The following TANC1 variants were observed in gnomAD, a reference collection of about 807,000 sequenced individuals.
TANC1 encodes protein TANC1.
TANC1 carries 77 observed loss-of-function variants against 149.7 expected under a neutral mutation model. The ratio of observed to expected loss-of-function variants is 0.51; its 90% CI spans 0.43 to 0.62. The LOEUF is 0.62. Ranked by LOEUF, TANC1 falls within the 20% of genes least tolerant of loss-of-function variation. The probability of loss-of-function intolerance (pLI) is 0.00; values close to 1 mark genes in which losing one functional copy is unlikely to be tolerated. For missense variants in TANC1, 1,985 were observed against 2,321.8 expected (o/e 0.85, Z 2.98); for synonymous variants, 854 against 925.0 (o/e 0.92, Z 1.39).
chr2:159,083,147 G>A (rs538454959), intron 3 of TANC1, among the ~76,000 whole-genome samples: 1 of 152,102 alleles, frequency 6.6e-6, no homozygotes, highest in African/African-American at 2.4e-5. Context: ...GTTTCACCAT[G>A]TTGGTTCAAG....
At chr2:159,181,764 A>G (rs2056507902) in intron 14 of TANC1, among the ~76,000 whole-genome samples, 1 of 152,244 alleles carries the variant, frequency 6.6e-6, no homozygotes, top group Non-Finnish European at 1.5e-5. Context: ...TCTATAAAAA[A>G]TGAGTGTCTT....
At chr2:159,077,819 T>C (rs1303311437) in intron 3 of TANC1, among the ~76,000 whole-genome samples, 1 of 152,230 alleles carries the variant, frequency 6.6e-6, no homozygotes, top group Non-Finnish European at 1.5e-5. Flanking sequence ...AGAATAGTTG[T>C]AAGAAATTCT....
intron 2 of TANC1, among the ~76,000 whole-genome samples, chr2:159,037,839 C>T (rs543398599): frequency 4.6e-5 from 7 of 152,312 alleles, no homozygotes; most frequent in African/African-American, 1.7e-4. Context: ...GCAATGGAGG[C>T]TCTTTTTTAG....
chr2:159,015,593 A>G (rs1304143424), intron 2 of TANC1, among the ~76,000 whole-genome samples: 1 of 152,194 alleles, frequency 6.6e-6, no homozygotes, highest in African/African-American at 2.4e-5. Flanking sequence ...GTCAGGTTGC[A>G]AATTTTCTGA....
At chr2:159,148,363 C>G (rs1347577530) in intron 5 of TANC1, 1 of 152,190 alleles carries the variant, frequency 6.6e-6, no homozygotes, top group Admixed American at 6.5e-5. Flanking sequence ...ACATTTAAAT[C>G]AAATCCAACC....
At chr2:159,171,882 GA>G (rs200038123) in intron 10 of TANC1, among the ~76,000 whole-genome samples, 6,255 of 114,248 alleles carry the variant, frequency 0.055, 178 homozygotes, top group African/African-American at 0.067. Context: ...AAAAGAAAAA[GA>G]AAAAAAAAAT....
chr2:158,970,549 C>CCCTAGAGTA (rs2149149804), intron 1 of TANC1, among the ~76,000 whole-genome samples: 1 of 152,316 alleles, frequency 6.6e-6, no homozygotes, highest in East Asian at 1.9e-4. Flanking sequence ...ATGCCAGTTT[C>CCCTAGAGTA]TGCAGTTTGT....
At chr2:159,186,864 C>G in intron 15 of TANC1, 38 bp from the exon 16 acceptor site, 2 of 1,613,540 alleles carry the variant, frequency 1.2e-6, no homozygotes, top group Non-Finnish European at 1.7e-6. Flanking sequence ...GCAGATCTGT[C>G]TCTGATTGTT....
At position 159,104,417 on chromosome 2, in the gene TANC1, G is replaced by A. The variant is rs1378992443; in HGVS notation, c.259+6583G>A. ...TCAGAGACTCAGATTAAATGCATATGAAGTATGGTCTGGACATTGGGATTT... is the reference window on the plus strand; with the variant it reads ...TCAGAGACTCAGATTAAATGCATATAAAGTATGGTCTGGACATTGGGATTT... On this transcript the variant is annotated intron_variant, in intron 4 of 26. Coordinates refer to ENST00000263635, the MANE Select transcript of TANC1 (RefSeq NM_033394.3). Among the ~76,000 whole-genome samples the A allele has an allele frequency of 2.8e-4, 27 of 96,400 alleles. 7 individuals carry two copies. The highest frequency in any genetic ancestry group is 7.5e-4 in the African/African-American group (26 of 34,784). 63.2% of individuals were successfully genotyped at this position (96,400 alleles called of 152,430 possible). A position where few individuals can be genotyped will look rare whatever the true frequency, so the allele number is the denominator to read the frequency against.
At chr2:159,219,894 T>A (rs748346196) in intron 22 of TANC1, 27 bp downstream of exon 22, 8 of 1,610,196 alleles carry the variant, frequency 5.0e-6, no homozygotes, top group Non-Finnish European at 6.8e-6. Context: ...GTTCCCCACC[T>A]CCACCTGCAT....
intron 14 of TANC1, among the ~76,000 whole-genome samples, chr2:159,182,787 G>T (rs1410594912): frequency 1.3e-5 from 2 of 152,134 alleles, no homozygotes; most frequent in African/African-American, 4.8e-5. Context: ...GTCTCTGTAG[G>T]CACTAGAAGC....
chr2:158,985,213 C>T (rs562300410), intron 1 of TANC1, among the ~76,000 whole-genome samples: 1 of 152,250 alleles, frequency 6.6e-6, no homozygotes, highest in Non-Finnish European at 1.5e-5. Context: ...TGCATTAGCT[C>T]ATGTAATCTT....
chr2:159,107,601 C>G (rs925965451), intron 4 of TANC1, among the ~76,000 whole-genome samples: 24 of 152,174 alleles, frequency 1.6e-4, no homozygotes, highest in African/African-American at 5.6e-4. Flanking sequence ...AAAGACTGTT[C>G]TTTCCCCACT....
intron 2 of TANC1, among the ~76,000 whole-genome samples, chr2:159,053,821 C>T (rs1448157985): frequency 6.6e-6 from 1 of 152,206 alleles, no homozygotes; most frequent in Non-Finnish European, 1.5e-5. Context: ...AGCCCACCTC[C>T]CAGGGTTCTC....
At chr2:159,106,659 G>A (rs2047212693) in intron 4 of TANC1, among the ~76,000 whole-genome samples, 1 of 152,148 alleles carries the variant, frequency 6.6e-6, no homozygotes, top group Admixed American at 6.5e-5. Flanking sequence ...TTTTTATATG[G>A]ACATATATTT....
intron 16 of TANC1, among the ~76,000 whole-genome samples, chr2:159,189,293 G>A (rs2057262725): frequency 6.6e-6 from 1 of 152,212 alleles, no homozygotes; most frequent in African/African-American, 2.4e-5. Flanking sequence ...GGATGTGATG[G>A]TTGCAGGTGA....
chr2:159,048,975 T>G (rs2041273251), intron 2 of TANC1, among the ~76,000 whole-genome samples: 1 of 152,218 alleles, frequency 6.6e-6, no homozygotes, highest in Admixed American at 6.5e-5. Flanking sequence ...GATGGACTTT[T>G]GTGCTGTACC....
intron 2 of TANC1, among the ~76,000 whole-genome samples, chr2:159,048,663 C>T (rs1352412261): frequency 6.6e-6 from 1 of 152,172 alleles, no homozygotes; most frequent in Admixed American, 6.5e-5. Flanking sequence ...AGGCAAGAAA[C>T]GACCTTGTTT....
intron 5 of TANC1, among the ~76,000 whole-genome samples, chr2:159,142,237 G>A (rs2051454311): frequency 6.6e-6 from 1 of 152,208 alleles, no homozygotes; most frequent in African/African-American, 2.4e-5. Context: ...TAGTCCCCAA[G>A]ACACTTTCAG....
Sources: allele counts gnomAD v4.1 joint callset (sites outside exome capture counted in the v4.1 genomes callset), GRCh38; gene constraint gnomAD v4.1.1; transcripts MANE v1.5; gene names NCBI Gene and HGNC (gene_info 2026-07-23, HGNC 2026-07-21).